The following DSCAML1 variants were observed in gnomAD, a reference collection of about 807,000 sequenced individuals.
DSCAML1 encodes the protein DS cell adhesion molecule like 1, also known as cell adhesion molecule DSCAML1.
A neutral mutation model predicts 200.5 loss-of-function variants in DSCAML1; 38 were observed. The ratio of observed to expected loss-of-function variants is 0.19; its 90% CI spans 0.15 to 0.25. The LOEUF (loss-of-function observed/expected upper bound fraction) is 0.25, where lower values mean the gene tolerates loss of function less well. Among genes scored for constraint, DSCAML1 ranks in the 10% least tolerant of loss-of-function variants. The pLI, the probability that DSCAML1 is intolerant of heterozygous loss-of-function variation, is 1.00. For missense variants in DSCAML1, 2,223 were observed against 2,858.8 expected (o/e 0.78, Z 5.07); for synonymous variants, 1,215 against 1,165.0 (o/e 1.04, Z -0.87).
At chr11:117,640,450 C>T (rs1321058770) in intron 3 of DSCAML1, among the ~76,000 whole-genome samples, 1 of 152,182 alleles carries the variant, frequency 6.6e-6, no homozygotes, top group Non-Finnish European at 1.5e-5. Flanking sequence ...ATGACTTGTG[C>T]TACGTCATAC....
rs893276791 is a variant in DSCAML1, at chr11:117,483,915, CTT to C, written c.2360-1755_2360-1754del. Among the ~76,000 whole-genome samples the C allele has an allele frequency of 8.2e-4, 125 of 152,072 alleles. 1 individual carries two copies. Among genetic ancestry groups the C allele is most frequent in the Middle Eastern group, 3.4e-3 (1 of 294 alleles). On this transcript the variant is annotated intron_variant, in intron 11 of 32. Coordinates refer to ENST00000651296, the MANE Select transcript of DSCAML1 (RefSeq NM_020693.4). ...CCCACCCCCATTCAGGGGAATACCT[CTT>C]GTCACAGCAGAGACCAGCTCACCCT...
chr11:117,444,595 T>TA (rs2137100443), intron 20 of DSCAML1, among the ~76,000 whole-genome samples: 1 of 152,204 alleles, frequency 6.6e-6, no homozygotes, highest in East Asian at 1.9e-4. Context: ...CTTTACTGGG[T>TA]AGCACTTTAT....
intron 22 of DSCAML1, 89 bp downstream of exon 22, chr11:117,439,730 G>T: frequency 7.9e-7 from 1 of 1,273,706 alleles, no homozygotes; most frequent in Non-Finnish European, 1.1e-6. Flanking sequence ...GGGTCACCAG[G>T]CAGGAGGGCC....
At chr11:117,662,270 G>A (rs768510912) in intron 3 of DSCAML1, among the ~76,000 whole-genome samples, 59 of 152,228 alleles carry the variant, frequency 3.9e-4, no homozygotes, top group Non-Finnish European at 6.5e-4. Context: ...AGCAGGTGAG[G>A]AGGAAACTGA....
At chr11:117,459,236 G>A (rs376408947) in intron 18 of DSCAML1, among the ~76,000 whole-genome samples, 7 of 152,196 alleles carry the variant, frequency 4.6e-5, no homozygotes, top group South Asian at 4.1e-4. Flanking sequence ...TCTCCCTCCC[G>A]CTACCCAACT....
At chr11:117,727,090 A>G (rs59025923) in intron 3 of DSCAML1, among the ~76,000 whole-genome samples, 138 of 152,272 alleles carry the variant, frequency 9.1e-4, no homozygotes, top group African/African-American at 3.1e-3. Flanking sequence ...GCAAAACTTT[A>G]TTAAGTAGGT....
chr11:117,625,752 A>G (rs2052029109), intron 3 of DSCAML1, among the ~76,000 whole-genome samples: 1 of 152,250 alleles, frequency 6.6e-6, no homozygotes. Context: ...TTTCTTACTA[A>G]CAATGCCTGT....
At chr11:117,679,908 A>T (rs1373666710) in intron 3 of DSCAML1, among the ~76,000 whole-genome samples, 1 of 151,774 alleles carries the variant, frequency 6.6e-6, no homozygotes, top group African/African-American at 2.4e-5. Context: ...TCTCCATGAC[A>T]CAGATGTCCA....
At position 117,435,638 on chromosome 11, in the gene DSCAML1, C is replaced by A; in HGVS notation, c.4876+6G>T. Reference sequence around the variant, plus strand: ...CTCCTGGAAGGCCCATAGGAAGCTCCCCCACCTCGGAGTCGCTTCAGCCGT... The same window carrying A: ...CTCCTGGAAGGCCCATAGGAAGCTCACCCACCTCGGAGTCGCTTCAGCCGT... On this transcript the variant is annotated splice_donor_region_variant and intron_variant, in intron 27 of 32. Transcript: ENST00000651296. 1 of 1,591,834 alleles carries A rather than the reference C, an allele frequency of 6.3e-7. No homozygotes were observed.
At chr11:117,454,439 T>A (rs567377900) in intron 19 of DSCAML1, among the ~76,000 whole-genome samples, 1 of 152,392 alleles carries the variant, frequency 6.6e-6, no homozygotes, top group African/African-American at 2.4e-5. Context: ...AATGTGTTAT[T>A]AAACCCATCA....
In DSCAML1 at chr11:117,466,353, A is replaced by C. The variant is rs187838867; in HGVS notation, c.3025-1171T>G. On this transcript the variant is annotated intron_variant, in intron 16 of 32. Transcript: ENST00000651296. ...AGAAATAGGCCAGACAAAAAAGGAC[A>C]AAAGCTATTTGTCCGATTCCACTTA... Among the ~76,000 whole-genome samples, 297 of 152,386 alleles carry C rather than the reference A, an allele frequency of 1.9e-3. 1 individual carries two copies. Among genetic ancestry groups the C allele is most frequent in the African/African-American group, 6.8e-3 (283 of 41,596 alleles).
intron 4 of DSCAML1, among the ~76,000 whole-genome samples, chr11:117,529,235 A>G (rs1318037471): frequency 2.0e-5 from 3 of 151,592 alleles, no homozygotes; most frequent in Non-Finnish European, 4.4e-5. Flanking sequence ...GTGCCACCAC[A>G]CTCGGCTAAC....
chr11:117,738,796 T>G (rs2137834835), intron 3 of DSCAML1, among the ~76,000 whole-genome samples: 1 of 152,324 alleles, frequency 6.6e-6, no homozygotes, highest in African/African-American at 2.4e-5. Context: ...CCGGTATAAC[T>G]GTATCTCTAT....
chr11:117,555,183 C>A (rs200139365), intron 3 of DSCAML1, among the ~76,000 whole-genome samples: 1 of 152,260 alleles, frequency 6.6e-6, no homozygotes, highest in Non-Finnish European at 1.5e-5. Context: ...CGTAGCAACC[C>A]ATGGCCACCT....
rs191615530 is a variant in DSCAML1, at chr11:117,484,963, T to G, written c.2360-2801A>C. ...TGTGTAAGTGGGGCTGGGAGGGTCT[T>G]TCTTTGGTAGGAGGACTTCACAGTT... On this transcript the variant is annotated intron_variant, in intron 11 of 32. Coordinates refer to ENST00000651296, the MANE Select transcript of DSCAML1 (RefSeq NM_020693.4). Among the ~76,000 whole-genome samples, 885 of 145,144 alleles carry G rather than the reference T, an allele frequency of 6.1e-3. 13 individuals are homozygous for G. The highest frequency in any genetic ancestry group is 0.021 in the African/African-American group (822 of 39,174).
intron 3 of DSCAML1, among the ~76,000 whole-genome samples, chr11:117,716,985 CCATCCCAGATG>C (rs201219966): frequency 0.015 from 2,282 of 149,932 alleles, 21 homozygotes; most frequent in East Asian, 0.041. Flanking sequence ...CCAGAAATTC[CCATCCCAGATG>C]CACCCCAGAT....
Position 117,503,452 on chromosome 11 carries a change from A to G in DSCAML1, c.2359+393T>C, listed in dbSNP as rs908185587. Among the ~76,000 whole-genome samples the G allele has an allele frequency of 2.0e-5, 3 of 152,128 alleles. No individual in the cohort carries two copies. The highest frequency in any genetic ancestry group is 7.2e-5 in the African/African-American group (3 of 41,420). ...CCTTCTTCTACATTGTGTATATGCT[A>G]TTTTCCTTTCTAAGCCACAAGCAGG... is the stretch of plus-strand genomic sequence containing the variant. On this transcript the variant is annotated intron_variant, in intron 11 of 32. Coordinates refer to ENST00000651296, the MANE Select transcript of DSCAML1 (RefSeq NM_020693.4). The surrounding 1 kb of genome is among the most constrained non-coding windows in gnomAD (Gnocchi z 5.2).
intron 3 of DSCAML1, among the ~76,000 whole-genome samples, chr11:117,633,937 C>A (rs1167045575): frequency 6.6e-6 from 1 of 152,136 alleles, no homozygotes; most frequent in Admixed American, 6.5e-5. Flanking sequence ...CTGAATGGTA[C>A]CATGTGCATG....
At chr11:117,737,331 T>G (rs2054336004) in intron 3 of DSCAML1, among the ~76,000 whole-genome samples, 1 of 152,236 alleles carries the variant, frequency 6.6e-6, no homozygotes, top group African/African-American at 2.4e-5. Flanking sequence ...AGGGCCAGGT[T>G]CCGCATCTGG....
Sources: allele counts gnomAD v4.1 joint callset (sites outside exome capture counted in the v4.1 genomes callset), GRCh38; gene constraint gnomAD v4.1.1; non-coding constraint Gnocchi (gnomAD v3.1); transcripts MANE v1.5; gene names NCBI Gene and HGNC (gene_info 2026-07-23, HGNC 2026-07-21).